LECT2: variants seen among roughly 807,000 people sequenced by gnomAD.
LECT2 encodes the protein leukocyte cell-derived chemotaxin-2.
LECT2 carries 11 observed loss-of-function variants against 16.6 expected under a neutral mutation model. The observed-to-expected ratio is 0.66, with a 90% CI of 0.42 to 1.09. LECT2 has a LOEUF of 1.09. Among genes scored for constraint, LECT2 ranks in the 50% least tolerant of loss-of-function variants. The pLI is 0.00. For missense variants in LECT2, 173 were observed against 184.2 expected (o/e 0.94, Z 0.35); for synonymous variants, 54 against 64.8 (o/e 0.83, Z 0.80).
intron 3 of LECT2, among the ~76,000 whole-genome samples, chr5:135,947,809 G>C (rs903458432): frequency 1.3e-5 from 2 of 152,100 alleles, no homozygotes; most frequent in African/African-American, 4.8e-5. Context: ...GGACTTTAGA[G>C]ATAAAGAAAA....
At chr5:135,951,189 G>C (rs556852074) in intron 3 of LECT2, 34 bp downstream of exon 3, 1 of 1,606,720 alleles carries the variant, frequency 6.2e-7, no homozygotes, top group South Asian at 1.1e-5. Flanking sequence ...ACATCTCCAG[G>C]AGGCACCCCA....
chr5:135,950,949 T>C, intron 3 of LECT2: 2 of 500,194 alleles, frequency 4.0e-6, no homozygotes, highest in East Asian at 3.0e-5. Context: ...TATCGGGTAC[T>C]ATGCTTATTA....
intron 3 of LECT2, among the ~76,000 whole-genome samples, chr5:135,948,382 G>T (rs1005864647): frequency 3.3e-5 from 5 of 152,126 alleles, no homozygotes; most frequent in Non-Finnish European, 7.4e-5. Flanking sequence ...AACCGGTCAA[G>T]TGAGCATAAA....
chr5:135,949,503 T>C (rs1392513476), intron 3 of LECT2, among the ~76,000 whole-genome samples: 2 of 152,330 alleles, frequency 1.3e-5, no homozygotes, highest in South Asian at 2.1e-4. Context: ...CACAGTGGCC[T>C]TTTAGATCTC....
intron 2 of LECT2, among the ~76,000 whole-genome samples, chr5:135,952,507 G>A (rs1763809963): frequency 1.3e-5 from 2 of 152,144 alleles, no homozygotes; most frequent in South Asian, 4.1e-4. Context: ...ACTGTGCTTG[G>A]CAGGTCCCTT....
At chr5:135,952,419 G>T (rs1238282843) in intron 2 of LECT2, among the ~76,000 whole-genome samples, 1 of 152,150 alleles carries the variant, frequency 6.6e-6, no homozygotes, top group African/African-American at 2.4e-5. Flanking sequence ...AACATCCAGA[G>T]CCTGAGCCAG....
In LECT2 at chr5:135,947,240, T is replaced by C. The variant is rs1199765345; in HGVS notation, c.*91A>G. On this transcript the variant is annotated 3_prime_UTR_variant, in exon 4 of 4. Coordinates refer to ENST00000274507, the MANE Select transcript of LECT2 (RefSeq NM_002302.3). ...TATCCATCCCTTCATGCATTTTTCC[T>C]TTGTGAACACAAATTTCTTGAAGAG... is the stretch of plus-strand genomic sequence containing the variant. The C allele has an allele frequency of 3.2e-6, 4 of 1,262,314 alleles. No homozygotes were observed. The highest frequency in any genetic ancestry group is 4.5e-6 in the Non-Finnish European group (4 of 890,442). The allele number at this position is 1,262,314 out of a possible 1,614,324, so 78.2% of individuals were successfully genotyped here.
chr5:135,954,724 A>G (rs1323436044), intron 1 of LECT2, 64 bp downstream of exon 1: 2 of 1,153,340 alleles, frequency 1.7e-6, no homozygotes, highest in African/African-American at 1.5e-5. Flanking sequence ...TAATCTTTTT[A>G]GTCTTCCCCT....
chr5:135,949,007 A>C (rs2126875648), intron 3 of LECT2, among the ~76,000 whole-genome samples: 1 of 152,296 alleles, frequency 6.6e-6, no homozygotes, highest in Admixed American at 6.5e-5. Flanking sequence ...GACTTCTGTT[A>C]TATTTCTATT....
chr5:135,954,169 T>C (rs547182579), intron 1 of LECT2, among the ~76,000 whole-genome samples: 1 of 152,334 alleles, frequency 6.6e-6, no homozygotes, highest in Admixed American at 6.5e-5. Flanking sequence ...TTAATACCTA[T>C]CCTGTGAAGA....
In LECT2 at chr5:135,951,256, C is replaced by T. The variant is rs761889158; in HGVS notation, c.256G>A (p.Ala86Thr). Residue 86 changes from alanine to threonine, a missense_variant, in exon 3 of 4, where the codon GCT (alanine) becomes ACT (threonine). By Grantham distance (58) the Ala-to-Thr change is moderately conservative. Coordinates refer to ENST00000274507, the MANE Select transcript of LECT2 (RefSeq NM_002302.3). ...GQEKPYQNKN[A>T]INNGVRISGR... ...GATATTCGAACACCATTATTGATAG[C>T]ATTCTTGTTTTGATAAGGTTTCTCC... The T allele has an allele frequency of 3.1e-6, 5 of 1,614,186 alleles. No individual in the cohort carries two copies. The Admixed American group carries it at 5.0e-5, about 16-fold the overall frequency.
At chr5:135,954,735 G>T in intron 1 of LECT2, 53 bp downstream of exon 1, 1 of 1,288,670 alleles carries the variant, frequency 7.8e-7, no homozygotes, top group Non-Finnish European at 1.1e-6. Flanking sequence ...GTCTTCCCCT[G>T]AAATCAGTTT....
intron 1 of LECT2, chr5:135,953,251 G>A (rs1343893660): frequency 3.2e-6 from 1 of 314,692 alleles, no homozygotes; most frequent in Admixed American, 4.7e-5. Context: ...TGCCAAGCTG[G>A]AGCACAGTGG....
chr5:135,951,603 A>C, intron 2 of LECT2: 1 of 432,630 alleles, frequency 2.3e-6, no homozygotes, highest in Non-Finnish European at 4.1e-6. Flanking sequence ...TACTTGGTAC[A>C]TAATAAGCCT....
chr5:135,954,524 C>G (rs1763834320), intron 1 of LECT2, among the ~76,000 whole-genome samples: 3 of 152,138 alleles, frequency 2.0e-5, no homozygotes, highest in Admixed American at 6.5e-5. Context: ...CTAGTTAAGT[C>G]CCAGACCCAG....
At chr5:135,949,768 T>A (rs541735970) in intron 3 of LECT2, among the ~76,000 whole-genome samples, 1 of 152,308 alleles carries the variant, frequency 6.6e-6, no homozygotes, top group South Asian at 2.1e-4. Flanking sequence ...TGGGACCCAT[T>A]ATTGTGATGA....
At chr5:135,954,734 T>C in intron 1 of LECT2, 54 bp downstream of exon 1, 1 of 1,282,182 alleles carries the variant, frequency 7.8e-7, no homozygotes, top group Non-Finnish European at 1.1e-6. Context: ...AGTCTTCCCC[T>C]GAAATCAGTT....
rs574579389 is a variant in LECT2 at position 135,951,060 on chromosome 5, T to G, written c.289+163A>C. The G allele has an allele frequency of 4.5e-5, 31 of 690,486 alleles. No individual in the cohort carries two copies. In the East Asian group the frequency reaches 7.9e-4, roughly 18 times the overall value. The allele number at this position is 690,486 out of a possible 1,614,324, so 42.8% of individuals were successfully genotyped here. On this transcript the variant is annotated intron_variant, in intron 3 of 3. Transcript: ENST00000274507. ...CCCCTGAACCTAAAATAAAAGTTTTTTAAAAAATGCATCAGCTAGTTTGGG... is the reference window on the plus strand; with the variant it reads ...CCCCTGAACCTAAAATAAAAGTTTTGTAAAAAATGCATCAGCTAGTTTGGG...
Position 135,954,847 on chromosome 5 carries a change from CT to C in LECT2, c.-15del. On this transcript the variant is annotated 5_prime_UTR_variant, in exon 1 of 4. Coordinates refer to ENST00000274507, the MANE Select transcript of LECT2 (RefSeq NM_002302.3). ...GGTGGAAAACATCTGGTTTTACTTC[CT>C]TTAGTTTCTTCCTCTGATTAGAGTT... 3 of 1,605,436 alleles carry C rather than the reference CT, an allele frequency of 1.9e-6. No individual in the cohort carries two copies. Among genetic ancestry groups the C allele is most frequent in the Non-Finnish European group, 2.6e-6 (3 of 1,172,268 alleles).
Sources: gnomAD v4.1 joint callset for allele counts (sites outside exome capture counted in the v4.1 genomes callset) on GRCh38, gnomAD v4.1.1 for gene constraint, MANE v1.5 for transcripts, NCBI Gene and HGNC (gene_info 2026-07-23, HGNC 2026-07-21) for gene names.